TDRD1: variants seen among roughly 807,000 people sequenced by gnomAD.
TDRD1 encodes tudor domain-containing protein 1.
TDRD1 carries 37 observed loss-of-function variants against 140.6 expected under a neutral mutation model. That is an observed-to-expected ratio of 0.26 (90% confidence interval 0.20 to 0.35). The LOEUF (loss-of-function observed/expected upper bound fraction) is 0.35. Among genes scored for constraint, TDRD1 ranks in the 10% least tolerant of loss-of-function variants. The pLI is 1.00. For synonymous variants in TDRD1, 506 were observed against 475.7 expected (o/e 1.06, Z -0.83); for missense variants, 1,243 against 1,393.0 (o/e 0.89, Z 1.71).
At chr10:114,196,565 C>T (rs956184347) in intron 3 of TDRD1, among the ~76,000 whole-genome samples, 2 of 151,992 alleles carry the variant, frequency 1.3e-5, no homozygotes, top group Admixed American at 6.6e-5. Flanking sequence ...TCCTAGTCAG[C>T]CCACCTCCTC....
At chr10:114,177,162 G>A (rs1458295399), upstream of TDRD1, among the ~76,000 whole-genome samples, 1 of 152,166 alleles carries the variant, frequency 6.6e-6, no homozygotes, top group Non-Finnish European at 1.5e-5. Context: ...AATCTCCCAT[G>A]CAGAAGAATT....
At chr10:114,216,938 C>T (rs181371551) in intron 16 of TDRD1, among the ~76,000 whole-genome samples, 2 of 152,348 alleles carry the variant, frequency 1.3e-5, no homozygotes, top group East Asian at 1.9e-4. Context: ...TTCAGAAGCT[C>T]TCCATGGTCT....
intron 11 of TDRD1, among the ~76,000 whole-genome samples, chr10:114,206,725 T>C (rs1218105911): frequency 6.7e-6 from 1 of 149,422 alleles, no homozygotes; most frequent in Non-Finnish European, 1.5e-5. Context: ...GTGATTCTCC[T>C]ACCTCAGCCT....
upstream of TDRD1, among the ~76,000 whole-genome samples, chr10:114,178,103 A>G (rs186558656): frequency 3.9e-5 from 6 of 152,180 alleles, no homozygotes; most frequent in Admixed American, 2.6e-4. Flanking sequence ...TCGGCCTCCC[A>G]AAGTGCTGGG....
At chr10:114,227,106 A>G in exon 23 of TDRD1, 1 of 1,582,380 alleles carries the variant, frequency 6.3e-7, no homozygotes, top group Non-Finnish European at 8.7e-7. Flanking sequence ...CTTCTCAATT[A>G]ATAATAATGC....
At chr10:114,179,216 A>C (rs2032812000), upstream of TDRD1, 3 of 152,446 alleles carry the variant, frequency 2.0e-5, no homozygotes, top group African/African-American at 7.2e-5. Flanking sequence ...GGGAAGGCGG[A>C]GGGAACACGT....
At position 114,214,036 on chromosome 10, in the gene TDRD1, G is replaced by A. The variant is rs747687183; in HGVS notation, c.2134G>A (p.Val712Ile). 4.2e-5 allele frequency: 68 copies of A among 1,613,404 alleles called. No individual in the cohort carries two copies. The East Asian group carries it at 1.5e-3, about 36-fold the overall frequency. The change falls in exon 16 of 26, where the codon GTT becomes ATT. Residue 712 changes from valine (V) to isoleucine (I), a missense_variant. Coordinates refer to ENST00000251864, the Ensembl canonical transcript of TDRD1. Reference sequence around the variant, plus strand: ...GGAGTGGACATGGGTTGAACTTGGTGTTGACCAAACAGTAGATGTTGTGGT... The same window carrying A: ...GGAGTGGACATGGGTTGAACTTGGTATTGACCAAACAGTAGATGTTGTGGT...
intron 3 of TDRD1, among the ~76,000 whole-genome samples, chr10:114,198,630 GC>G (rs1209994124): frequency 2.0e-5 from 3 of 152,174 alleles, no homozygotes; most frequent in African/African-American, 7.2e-5. Context: ...CCTTTGGCTA[GC>G]AGAGCAGGTT....
At chr10:114,178,878 A>G (rs897783464), upstream of TDRD1, among the ~76,000 whole-genome samples, 1 of 152,130 alleles carries the variant, frequency 6.6e-6, no homozygotes, top group Non-Finnish European at 1.5e-5. Context: ...AAAAAAAAAA[A>G]AAAACAAAAC....
chr10:114,230,340 CTG>C (rs1234907015), intron 25 of TDRD1, among the ~76,000 whole-genome samples: 3 of 152,182 alleles, frequency 2.0e-5, no homozygotes, highest in Non-Finnish European at 2.9e-5. Context: ...TTTTTCCTGA[CTG>C]TGGGAATAAA....
At chr10:114,195,377 A>G (rs975072321) in intron 3 of TDRD1, among the ~76,000 whole-genome samples, 14 of 152,150 alleles carry the variant, frequency 9.2e-5, no homozygotes, top group Non-Finnish European at 1.6e-4. Flanking sequence ...GTTGAGTTCT[A>G]TCCTCTTGCT....
chr10:114,204,305 T>G, intron 9 of TDRD1, 89 bp downstream of exon 9: 1 of 1,370,190 alleles, frequency 7.3e-7, no homozygotes. Context: ...GCTTGTTCTA[T>G]TCTGCTGTGT....
At chr10:114,204,110 A>G (rs1438160674) in exon 9 of TDRD1, 1 of 1,606,974 alleles carries the variant, frequency 6.2e-7, no homozygotes, top group Non-Finnish European at 8.5e-7. Context: ...GTTGATGTGC[A>G]GCAAAAGAAG....
At chr10:114,178,708 T>C (rs2032784946), upstream of TDRD1, among the ~76,000 whole-genome samples, 1 of 152,140 alleles carries the variant, frequency 6.6e-6, no homozygotes, top group African/African-American at 2.4e-5. Flanking sequence ...CGTTCGCTAC[T>C]TTGTCTCACA....
intron 20 of TDRD1, 74 bp downstream of exon 20, chr10:114,221,550 C>G: frequency 1.4e-6 from 2 of 1,423,834 alleles, no homozygotes; most frequent in South Asian, 2.5e-5. Flanking sequence ...GTCTTGAATT[C>G]CTTTGGGAAT....
chr10:114,198,990 C>G (rs2034554018), intron 3 of TDRD1, among the ~76,000 whole-genome samples, 183 bp from the exon 4 acceptor site: 1 of 152,208 alleles, frequency 6.6e-6, no homozygotes, highest in South Asian at 2.1e-4. Context: ...CCCACCTCCT[C>G]CTTTCCCACT....
intron 8 of TDRD1, 93 bp from the exon 9 acceptor site, chr10:114,203,979 TC>T: frequency 1.4e-6 from 2 of 1,462,856 alleles, no homozygotes; most frequent in Non-Finnish European, 1.8e-6. Context: ...CAGGAGCCTT[TC>T]CTTTGCACGT....
intron 2 of TDRD1, among the ~76,000 whole-genome samples, chr10:114,189,151 A>G (rs978350192): frequency 2.0e-5 from 3 of 152,228 alleles, no homozygotes; most frequent in African/African-American, 7.2e-5. Flanking sequence ...TGCACTTAAA[A>G]GGAAAACCAG....
intron 15 of TDRD1, 52 bp downstream of exon 15, chr10:114,213,640 A>G (rs1476020375): frequency 4.6e-6 from 7 of 1,507,890 alleles, no homozygotes; most frequent in East Asian, 2.3e-5. Context: ...AGATGGTTCT[A>G]TAAATAAATA....
Sources: gnomAD v4.1 joint callset for allele counts (sites outside exome capture counted in the v4.1 genomes callset) on GRCh38, gnomAD v4.1.1 for gene constraint, MANE v1.5 for transcripts, NCBI Gene and HGNC (gene_info 2026-07-23, HGNC 2026-07-21) for gene names.